ASRGL1: variants seen among roughly 807,000 people sequenced by gnomAD.
ASRGL1 encodes the protein asparaginase and isoaspartyl peptidase 1.
Under a neutral mutation model 22.4 loss-of-function variants are expected in ASRGL1, and 16 were observed. The observed-to-expected ratio is 0.71, with a 90% confidence interval of 0.48 to 1.08. The LOEUF (loss-of-function observed/expected upper bound fraction) is 1.08. Ranked by LOEUF, ASRGL1 falls within the 50% of genes least tolerant of loss-of-function variation. ASRGL1 has a pLI of 0.00. For missense variants in ASRGL1, 412 were observed against 410.1 expected (o/e 1.00, Z -0.04); for synonymous variants, 165 against 159.3 (o/e 1.04, Z -0.27).
intron 4 of ASRGL1, among the ~76,000 whole-genome samples, chr11:62,386,272 C>CG (rs1947197971): frequency 6.6e-6 from 1 of 152,164 alleles, no homozygotes; most frequent in South Asian, 2.1e-4. Flanking sequence ...AGTAGCTCCC[C>CG]TTATCTGCGG....
chr11:62,388,311 C>T (rs577651633), intron 4 of ASRGL1, among the ~76,000 whole-genome samples: 9 of 152,228 alleles, frequency 5.9e-5, no homozygotes, highest in African/African-American at 1.4e-4. Context: ...TTGATCTTTA[C>T]GACAACCCCA....
rs770171289 is a variant in ASRGL1, at chr11:62,357,031, A to T, written c.378A>T (p.Ala126=). The T allele has an allele frequency of 1.9e-6, 3 of 1,613,950 alleles. No homozygotes were observed. The highest frequency in any genetic ancestry group is 2.7e-5 in the African/African-American group (2 of 74,932). ...CTGACCAAGGCGCAGCGCAGTTTGC[A>T]GCAGCTATGGGGGTTCCAGAGATTC... is the stretch of plus-strand genomic sequence containing the variant. ...FLTDQGAAQF[A]AAMGVPEIPG... The change falls in exon 4 of 7, where the codon GCA becomes GCT. Residue 126 remains alanine, a synonymous_variant. Coordinates refer to ENST00000415229, the MANE Select transcript of ASRGL1 (RefSeq NM_001083926.2).
At chr11:62,343,730 C>CA (rs71053038) in intron 2 of ASRGL1, among the ~76,000 whole-genome samples, 32,138 of 69,120 alleles carry the variant, frequency 0.46, 6,975 homozygotes, top group Non-Finnish European at 0.55. Context: ...TCCAGCTCCA[C>CA]AAAAAAAAAA....
At chr11:62,373,286 G>A (rs1264592735) in intron 4 of ASRGL1, 4 of 661,856 alleles carry the variant, frequency 6.0e-6, no homozygotes, top group Non-Finnish European at 1.1e-5. Flanking sequence ...TGGACCGAAG[G>A]TGCATTTTTA....
rs1300898047 is a variant in ASRGL1, at chr11:62,338,088, C to T, written c.111C>T (p.Ile37=). 4 of 1,607,280 alleles carry T rather than the reference C, an allele frequency of 2.5e-6. No individual in the cohort carries two copies. Among genetic ancestry groups the T allele is most frequent in the Non-Finnish European group, 2.5e-6 (3 of 1,177,398 alleles). The part of the protein sequence containing the change: ...MVRAATVGYG[I]LREGGSAVDA... Reference sequence around the variant, plus strand: ...GAGCCGCCACCGTGGGCTACGGCATCCTCCGGGAGGGCGGGAGCGCCGTGG... The same window carrying T: ...GAGCCGCCACCGTGGGCTACGGCATTCTCCGGGAGGGCGGGAGCGCCGTGG... The change falls in exon 2 of 7, where the codon ATC becomes ATT. Residue 37 remains isoleucine (I), a synonymous_variant. Coordinates refer to ENST00000415229, the MANE Select transcript of ASRGL1 (RefSeq NM_001083926.2).
At chr11:62,347,965 A>G (rs1332535600) in intron 2 of ASRGL1, among the ~76,000 whole-genome samples, 11 of 152,180 alleles carry the variant, frequency 7.2e-5, no homozygotes, top group Admixed American at 7.2e-4. Context: ...TTTAAGTTCC[A>G]AAAAGCAAAA....
At chr11:62,400,156 TC>T in the ASRGL1 span, among the ~76,000 whole-genome samples, 1 of 151,974 alleles carries the variant, frequency 6.6e-6, no homozygotes, top group Admixed American at 6.6e-5. Context: ...GTAGGCCGGG[TC>T]CCCCACTGCC....
rs1947361170 is a variant in ASRGL1 at position 62,392,345 on chromosome 11, A to T, written c.*61A>T. ...AGGTCAAGTACAGTCTCCTCATGAGACATAGCCTAATCAATTAGATCTAGA... is the reference window on the plus strand; with the variant it reads ...AGGTCAAGTACAGTCTCCTCATGAGTCATAGCCTAATCAATTAGATCTAGA... On this transcript the variant is annotated 3_prime_UTR_variant, in exon 7 of 7. Transcript: ENST00000415229. 20 of 1,570,290 alleles carry T rather than the reference A, an allele frequency of 1.3e-5. No homozygotes were observed. In the South Asian group the frequency reaches 2.0e-4, roughly 16 times the overall value.
intron 4 of ASRGL1, among the ~76,000 whole-genome samples, chr11:62,375,762 T>A (rs1946910183): frequency 6.6e-6 from 1 of 151,712 alleles, no homozygotes; most frequent in African/African-American, 2.4e-5. Flanking sequence ...GTGGTATAAT[T>A]AGCTGCAGCT....
At chr11:62,340,634 C>G (rs1408400611) in intron 2 of ASRGL1, among the ~76,000 whole-genome samples, 2 of 152,178 alleles carry the variant, frequency 1.3e-5, no homozygotes, top group Non-Finnish European at 2.9e-5. Context: ...AACGTCTGCC[C>G]TCTCATCTTT....
chr11:62,358,464 CAGTG>C (rs1183750815), intron 4 of ASRGL1, among the ~76,000 whole-genome samples: 1 of 151,526 alleles, frequency 6.6e-6, no homozygotes, highest in Non-Finnish European at 1.5e-5. Context: ...AGAGTCATAG[CAGTG>C]GGGTTGCCTT....
intron 4 of ASRGL1, among the ~76,000 whole-genome samples, chr11:62,369,478 CCAT>C (rs1946706541): frequency 6.6e-6 from 1 of 152,138 alleles, no homozygotes; most frequent in African/African-American, 2.4e-5. Context: ...GACAAAACTG[CCAT>C]CATCATCATG....
chr11:62,371,642 T>G, intron 4 of ASRGL1: 2 of 641,818 alleles, frequency 3.1e-6, no homozygotes, highest in South Asian at 1.4e-5. Context: ...AACTGGGACT[T>G]GATTGGTCGA....
chr11:62,367,170 C>T (rs1407439571), intron 4 of ASRGL1, among the ~76,000 whole-genome samples: 2 of 151,738 alleles, frequency 1.3e-5, no homozygotes, highest in African/African-American at 2.4e-5. Context: ...AACCGCATCT[C>T]TACTAAAAAT....
At chr11:62,394,576 C>T (rs1256738223), downstream of ASRGL1, among the ~76,000 whole-genome samples, 1 of 151,836 alleles carries the variant, frequency 6.6e-6, no homozygotes, top group Non-Finnish European at 1.5e-5. Context: ...GAGAAGACAA[C>T]AATCGCTAAG....
Position 62,337,889 on chromosome 11 carries a change from G to C in ASRGL1, c.-88-1G>C. ...ACAGAGACTGGGCATTGTCCCCACA[G>C]GGTCTCCCGAGGACCTTGTACCCGC... On this transcript the variant is annotated splice_acceptor_variant, in intron 1 of 6. Coordinates refer to ENST00000415229, the MANE Select transcript of ASRGL1 (RefSeq NM_001083926.2). LOFTEE classifies it low-confidence loss of function (5UTR_SPLICE). 2 of 1,384,894 alleles carry C rather than the reference G, an allele frequency of 1.4e-6. No individual in the cohort carries two copies. The highest frequency in any genetic ancestry group is 9.8e-7 in the Non-Finnish European group (1 of 1,021,330). The allele number at this position is 1,384,894 out of a possible 1,614,324, so 85.8% of individuals were successfully genotyped here. A position where few individuals can be genotyped will look rare whatever the true frequency, so the allele number is the denominator to read the frequency against.
At chr11:62,370,579 T>C (rs1042696865) in intron 4 of ASRGL1, among the ~76,000 whole-genome samples, 3 of 152,154 alleles carry the variant, frequency 2.0e-5, no homozygotes, top group Non-Finnish European at 2.9e-5. Flanking sequence ...GTAGAAAGAC[T>C]GTAATTTTAT....
At chr11:62,371,077 A>T in intron 4 of ASRGL1, 1 of 561,420 alleles carries the variant, frequency 1.8e-6, no homozygotes, top group Non-Finnish European at 2.8e-6. Flanking sequence ...TCCGTCTTTT[A>T]GTTGCTTCTC....
intron 2 of ASRGL1, among the ~76,000 whole-genome samples, chr11:62,350,211 G>A (rs541508431): frequency 6.6e-6 from 1 of 152,204 alleles, no homozygotes; most frequent in East Asian, 1.9e-4. Context: ...TCTGGAAATG[G>A]CTTTTCTCAT....
Sources: gnomAD v4.1 joint callset for allele counts (sites outside exome capture counted in the v4.1 genomes callset) on GRCh38, gnomAD v4.1.1 for gene constraint, MANE v1.5 for transcripts, NCBI Gene and HGNC (gene_info 2026-07-23, HGNC 2026-07-21) for gene names.